The following CLUH variants were observed in gnomAD, a reference collection of about 807,000 sequenced individuals.
The protein encoded by CLUH is clustered mitochondria protein homolog.
CLUH carries 77 observed loss-of-function variants against 139.3 expected under a neutral mutation model. The observed-to-expected ratio is 0.55, with a 90% CI of 0.46 to 0.67. CLUH has a LOEUF of 0.67. Among genes scored for constraint, CLUH ranks in the 30% least tolerant of loss-of-function variants. The pLI, the probability that CLUH is intolerant of heterozygous loss-of-function variation, is 0.00. For missense variants in CLUH, 1,876 were observed against 1,875.8 expected, an observed-to-expected ratio of 1.00 and a Z score of 0.00; for synonymous variants, 999 against 801.6, an observed-to-expected ratio of 1.25 and a Z score of -4.16.
chr17:2,697,043 A>G (rs2151704748), intron 10 of CLUH, 101 bp from the exon 11 acceptor site: 1 of 858,152 alleles, frequency 1.2e-6, no homozygotes, highest in Non-Finnish European at 1.8e-6. Flanking sequence ...CCCCGCAGGC[A>G]TAGGGCACCT....
chr17:2,698,687 G>T, intron 9 of CLUH, 97 bp from the exon 10 acceptor site: 1 of 1,151,904 alleles, frequency 8.7e-7, no homozygotes, highest in Non-Finnish European at 1.2e-6. Flanking sequence ...GAGGCAACCG[G>T]GCCTGCCTTG....
Position 2,698,163 on chromosome 17 carries a change from G to C in CLUH, c.1694C>G (p.Pro565Arg). 5 of 1,576,758 alleles carry C rather than the reference G, an allele frequency of 3.2e-6. No homozygotes were observed. Among genetic ancestry groups the C allele is most frequent in the Non-Finnish European group, 4.3e-6 (5 of 1,162,314 alleles). Residue 565 changes from proline (P) to arginine (R), a missense_variant, in exon 10 of 26, where the codon CCC becomes CGC. This residue lies in a region of CLUH where 1,454 missense variants were observed against 1,384.4 expected (regional missense o/e 1.05). Coordinates refer to ENST00000651024, the MANE Select transcript of CLUH (RefSeq NM_001366661.1). ...YLELLERTSR[P>R]LKILRHQVLN... ...CACCTGGTGCCGCAGGATCTTGAGG[G>C]GCCGACTCGTGCGCTCCAGCAGCTC...
Position 2,701,224 on chromosome 17 carries a change from C to A in CLUH, c.941G>T (p.Arg314Leu). 1 of 1,613,662 alleles carries A rather than the reference C, an allele frequency of 6.2e-7. No homozygotes were observed. Among genetic ancestry groups the A allele is most frequent in the Non-Finnish European group, 8.5e-7 (1 of 1,179,764 alleles). Residue 314 changes from arginine to leucine, a missense_variant, in exon 7 of 26, where the codon CGC becomes CTC. Physicochemically the swap from Arg to Leu is moderately radical, Grantham distance 102. Coordinates refer to ENST00000651024, the MANE Select transcript of CLUH (RefSeq NM_001366661.1). ...YHFNPKPASP[R>L]FLSHSLVELL... ...CTCCACTAGGGAATGGCTTAGGAAG[C>A]GGGGGCTGGCGGGCTTGGGGTTGAA... is the stretch of plus-strand genomic sequence containing the variant.
rs1247228826 is a variant in CLUH, at chr17:2,698,080, T to C, written c.1777A>G (p.Ile593Val). 5 of 1,606,434 alleles carry C rather than the reference T, an allele frequency of 3.1e-6. No homozygotes were observed. Among genetic ancestry groups the C allele is most frequent in the East Asian group, 4.5e-5 (2 of 44,712 alleles). Residue 593 changes from isoleucine to valine, a missense_variant, in exon 10 of 26, where the codon ATT becomes GTT. Physicochemically the swap from Ile to Val is conservative, Grantham distance 29. Transcript: ENST00000651024. ...LCSSVECKGI[I>V]GNDGRHYILD... is the part of the protein sequence containing the mutation. ...ATGTAGTGGCGCCCGTCGTTGCCAA[T>C]GATGCCCTTGCACTCGACCGAGGAG...
chr17:2,691,454 G>C (rs1050870975), intron 25 of CLUH, 155 bp downstream of exon 25: 2 of 720,848 alleles, frequency 2.8e-6, no homozygotes, highest in Admixed American at 2.2e-5. Flanking sequence ...CCCAGCTACT[G>C]GGGAGGCTGA....
chr17:2,708,162 C>T (rs1054412068), intron 1 of CLUH, among the ~76,000 whole-genome samples: 3 of 152,194 alleles, frequency 2.0e-5, no homozygotes, highest in Admixed American at 6.5e-5. Context: ...AGCATCCACC[C>T]TACCCAGGGT....
chr17:2,709,601 A>G (rs1421073786), intron 1 of CLUH, among the ~76,000 whole-genome samples: 1 of 151,752 alleles, frequency 6.6e-6, no homozygotes, highest in South Asian at 2.1e-4. Flanking sequence ...GACCTGAAAA[A>G]CCTGCCTGTT....
chr17:2,692,651 C>A lies in CLUH; in HGVS notation c.3358G>T (p.Ala1120Ser). The change falls in exon 21 of 26, where the codon GCC becomes TCC. Residue 1120 changes from alanine (A) to serine (S), a missense_variant. Physicochemically the swap from Ala to Ser is moderately conservative, Grantham distance 99. Coordinates refer to ENST00000651024, the MANE Select transcript of CLUH (RefSeq NM_001366661.1). Reference protein sequence around the residue: ...YCFASSQLSTALSLLYRARYL... With the variant: ...YCFASSQLSTSLSLLYRARYL... ...CGGGCGCGGTACAGCAGGCTCAGGG[C>A]GGTGGACAGCTGGCTGCTGGCGAAG... 2 of 1,612,530 alleles carry A rather than the reference C, an allele frequency of 1.2e-6. No homozygotes were observed. Among genetic ancestry groups the A allele is most frequent in the Non-Finnish European group, 1.7e-6 (2 of 1,179,364 alleles).
rs747521713 is a variant in CLUH at position 2,694,271 on chromosome 17, C to T, written c.2943G>A (p.Leu981=). 38 of 1,587,864 alleles carry T rather than the reference C, an allele frequency of 2.4e-5. No homozygotes were observed. The highest frequency in any genetic ancestry group is 3.4e-4 in the Middle Eastern group (2 of 5,962). ...GACTGTCGAAGCTGTACTCCTTCAGCAGGACCTGGGGGGCAGCCCCCCCAC... is the reference window on the plus strand; with the variant it reads ...GACTGTCGAAGCTGTACTCCTTCAGTAGGACCTGGGGGGCAGCCCCCCCAC... ...EISLKTGIQV[L]LKEYSFDSRH... is the part of the protein sequence containing the mutation. The change falls in exon 18 of 26, where the codon CTG becomes CTA. Residue 981 remains leucine (L), a synonymous_variant. Transcript: ENST00000651024.
intron 3 of CLUH, 135 bp from the exon 4 acceptor site, chr17:2,702,192 C>T: frequency 9.7e-7 from 1 of 1,028,336 alleles, no homozygotes; most frequent in Non-Finnish European, 1.4e-6. Flanking sequence ...TTTCAAATTC[C>T]ACTGTGAACA....
At position 2,706,987 on chromosome 17, in the gene CLUH, G is replaced by A. The variant is rs1042735458; in HGVS notation, c.101-2423C>T. Among the ~76,000 whole-genome samples the A allele has an allele frequency of 6.6e-6, 1 of 152,198 alleles. No individual in the cohort carries two copies. Among genetic ancestry groups the A allele is most frequent in the African/African-American group, 2.4e-5 (1 of 41,446 alleles). ...CAGCCCAGGGAGACGACCCTCAGGGGGTACCTATTCCCTATCCCGTTTCAA... is the reference window on the plus strand; with the variant it reads ...CAGCCCAGGGAGACGACCCTCAGGGAGTACCTATTCCCTATCCCGTTTCAA... On this transcript the variant is annotated intron_variant, in intron 1 of 25. Coordinates refer to ENST00000651024, the MANE Select transcript of CLUH (RefSeq NM_001366661.1). The surrounding 1 kb of genome is among the most constrained non-coding windows in gnomAD (Gnocchi z 4.6).
Position 2,694,912 on chromosome 17 carries a change from G to T in CLUH, c.2797C>A (p.Leu933Ile), listed in dbSNP as rs774224207. Residue 933 changes from leucine (L) to isoleucine (I), a missense_variant, in exon 16 of 26, where the codon CTC becomes ATC. Transcript: ENST00000651024. Reference protein sequence around the residue: ...TAWAVMTPQELWKNICQEAKN... With the variant: ...TAWAVMTPQEIWKNICQEAKN... ...GCCTCCTGGCAGATGTTCTTCCAGA[G>T]CTCCTGGGGGGTCATGACAGCCCAG... is the stretch of plus-strand genomic sequence containing the variant. The T allele has an allele frequency of 6.3e-7, 1 of 1,598,484 alleles. No homozygotes were observed. The highest frequency in any genetic ancestry group is 1.1e-5 in the South Asian group (1 of 89,500).
intron 1 of CLUH, among the ~76,000 whole-genome samples, chr17:2,708,218 G>C (rs1428038742): frequency 6.6e-6 from 1 of 152,202 alleles, no homozygotes; most frequent in African/African-American, 2.4e-5. Context: ...TCCAGGACCA[G>C]GGATCAGGCA....
At chr17:2,691,470 G>A (rs531196147) in intron 25 of CLUH, 139 bp downstream of exon 25, 6 of 810,576 alleles carry the variant, frequency 7.4e-6, no homozygotes, top group South Asian at 6.2e-5. Flanking sequence ...GCTGAGGCAG[G>A]AGAATCGCTG....
At chr17:2,692,897 A>AC in intron 19 of CLUH, 37 bp from the exon 20 acceptor site, 3 of 1,524,796 alleles carry the variant, frequency 2.0e-6, no homozygotes, top group Non-Finnish European at 2.6e-6. Context: ...CGGCGTGGGA[A>AC]CCCCCACTGC....
intron 1 of CLUH, 57 bp downstream of exon 1, chr17:2,711,504 CG>C: frequency 4.2e-5 from 16 of 378,902 alleles, no homozygotes; most frequent in South Asian, 1.1e-4. Context: ...GTCCCGAACC[CG>C]CCCGCCCTGG....
chr17:2,691,876 T>G lies in CLUH; in HGVS notation c.3674A>C (p.Lys1225Thr). 1 of 1,541,382 alleles carries G rather than the reference T, an allele frequency of 6.5e-7. No homozygotes were observed. Among genetic ancestry groups the G allele is most frequent in the Non-Finnish European group, 8.7e-7 (1 of 1,145,358 alleles). ...YKTQLGEDHEKTKESSEYLKC... is the reference protein window; with the variant it reads ...YKTQLGEDHETTKESSEYLKC... ...GAGGTACTCGGAGCTTTCCTTGGTC[T>G]TCTCATGGTCCTCGCCCAGCTGCGG... Residue 1225 changes from lysine to threonine, a missense_variant, in exon 24 of 26, where the codon AAG becomes ACG. Around this residue, in one of 3 missense-constraint regions of CLUH, gnomAD observed 1,454 missense variants for 1,384.4 expected, o/e 1.05. Transcript: ENST00000651024.
rs1326196536 is a variant in CLUH, at chr17:2,703,187, G to A, written c.475+131C>T. The A allele has an allele frequency of 1.0e-6, 1 of 962,220 alleles. No individual in the cohort carries two copies. Among genetic ancestry groups the A allele is most frequent in the Non-Finnish European group, 1.5e-6 (1 of 652,090 alleles). 59.6% of individuals were successfully genotyped at this position (962,220 alleles called of 1,614,324 possible). A position where few individuals can be genotyped will look rare whatever the true frequency, so the allele number is the denominator to read the frequency against. On this transcript the variant is annotated intron_variant, in intron 3 of 25. Coordinates refer to ENST00000651024, the MANE Select transcript of CLUH (RefSeq NM_001366661.1). This position sits in a 1 kb window ranked among gnomAD's most constrained non-coding sequence, Gnocchi z 4.2. ...GGCAGATATAGGTGTGCTGGCCTGA[G>A]AAGCAGATCTGTGCTCCAATCCTGC...
At position 2,691,773 on chromosome 17, in the gene CLUH, G is replaced by A. The variant is rs758358116; in HGVS notation, c.3777C>T (p.Ile1259=). The A allele has an allele frequency of 1.8e-5, 29 of 1,594,856 alleles. No individual in the cohort carries two copies. The South Asian group carries it at 2.9e-4, about 16-fold the overall frequency. The change falls in exon 24 of 26, where the codon ATC becomes ATT. Residue 1259 remains isoleucine (I), a synonymous_variant. Coordinates refer to ENST00000651024, the MANE Select transcript of CLUH (RefSeq NM_001366661.1). The part of the protein sequence containing the change: ...EIYRNGSSAN[I]PPLKFTAPSM... Reference sequence around the variant, plus strand: ...GCCCCGGACTCACCTTGAGGGGCGGGATGTTGGCGCTGGAGCCGTTGCGGT... The same window carrying A: ...GCCCCGGACTCACCTTGAGGGGCGGAATGTTGGCGCTGGAGCCGTTGCGGT...
Sources: gnomAD v4.1 joint callset for allele counts (sites outside exome capture counted in the v4.1 genomes callset) on GRCh38, gnomAD v4.1.1 for gene constraint, gnomAD v4.1.1 regional missense constraint, Gnocchi (gnomAD v3.1) non-coding constraint, MANE v1.5 for transcripts, NCBI Gene and HGNC (gene_info 2026-07-23, HGNC 2026-07-21) for gene names.